The following CREB5 variants were observed in gnomAD, a reference collection of about 807,000 sequenced individuals.
CREB5 encodes cyclic AMP-responsive element-binding protein 5.
In CREB5, 19 loss-of-function variants were observed where a neutral mutation model predicts 57.1. The ratio of observed to expected loss-of-function variants is 0.33; its 90% CI spans 0.23 to 0.49. CREB5 has a LOEUF of 0.49. CREB5 is among the 20% of genes least tolerant of loss of function. The pLI, the probability that CREB5 is intolerant of heterozygous loss-of-function variation, is 0.99. For synonymous variants in CREB5, 238 were observed against 238.3 expected, an observed-to-expected ratio of 1.00 and a Z score of 0.01; for missense variants, 579 against 671.6, an observed-to-expected ratio of 0.86 and a Z score of 1.52.
intron 7 of CREB5, among the ~76,000 whole-genome samples, chr7:28,765,607 G>A (rs543784731): frequency 7.2e-4 from 110 of 152,286 alleles, no homozygotes; most frequent in African/African-American, 2.5e-3. Flanking sequence ...GAAAAAAACT[G>A]AAGGAGAGGG....
At chr7:28,324,371 T>C (rs1410653343) in intron 1 of CREB5, among the ~76,000 whole-genome samples, 1 of 152,142 alleles carries the variant, frequency 6.6e-6, no homozygotes, top group Non-Finnish European at 1.5e-5. Context: ...CCACTCCCCC[T>C]CCTGAAGCTG....
At chr7:28,752,542 G>C (rs17157127) in intron 7 of CREB5, among the ~76,000 whole-genome samples, 120 of 152,188 alleles carry the variant, frequency 7.9e-4, no homozygotes, top group African/African-American at 2.8e-3. Flanking sequence ...GAAAATCTTC[G>C]CATGGAAACC....
At chr7:28,807,841 G>C (rs753382461) in intron 8 of CREB5, among the ~76,000 whole-genome samples, 16 of 151,984 alleles carry the variant, frequency 1.1e-4, no homozygotes, top group Non-Finnish European at 2.4e-4. Context: ...GGAGTGAAGT[G>C]CATGAGGGAA....
At chr7:28,513,482 C>CTCATTGACA (rs1393768595) in intron 4 of CREB5, 1 of 151,746 alleles carries the variant, frequency 6.6e-6, no homozygotes, top group African/African-American at 2.4e-5. Context: ...AAAGGAAACA[C>CTCATTGACA]TCATTGACAG....
chr7:28,675,624 C>A (rs984773510), intron 5 of CREB5, among the ~76,000 whole-genome samples: 1 of 152,118 alleles, frequency 6.6e-6, no homozygotes, highest in Non-Finnish European at 1.5e-5. Context: ...CAAGTAACAC[C>A]AAATAGCCTT....
intron 5 of CREB5, among the ~76,000 whole-genome samples, chr7:28,620,479 T>G (rs1040645012): frequency 1.3e-5 from 2 of 152,222 alleles, no homozygotes; most frequent in African/African-American, 2.4e-5. Flanking sequence ...TCTCCAGATC[T>G]TCACGCTCTG....
intron 7 of CREB5, among the ~76,000 whole-genome samples, chr7:28,791,280 A>G (rs1463066838): frequency 6.6e-6 from 1 of 152,204 alleles, no homozygotes; most frequent in African/African-American, 2.4e-5. Flanking sequence ...GTGCCCTTGG[A>G]TCATGTACGT....
intron 5 of CREB5, among the ~76,000 whole-genome samples, chr7:28,607,370 C>T (rs1021729535): frequency 2.6e-5 from 4 of 152,014 alleles, no homozygotes; most frequent in South Asian, 2.1e-4. Context: ...CTTGAGTGGG[C>T]GTGAATGAGT....
chr7:28,336,840 G>T (rs755779048), intron 1 of CREB5, among the ~76,000 whole-genome samples: 1 of 151,570 alleles, frequency 6.6e-6, no homozygotes, highest in African/African-American at 2.4e-5. Context: ...CAGCTATAAA[G>T]TTCCCTCTTA....
Position 28,608,107 on chromosome 7 carries a change from TCTCTCTCACACACACTCA to T in CREB5, c.464+37572_464+37589del, listed in dbSNP as rs1255735469. ...GCCTCTCTCTCTGTCTCTCTCTCTC[TCTCTCTCACACACACTCA>T]CACACACACACACACACACACACAC... On this transcript the variant is annotated intron_variant, in intron 5 of 10. Coordinates refer to ENST00000357727, the MANE Select transcript of CREB5 (RefSeq NM_182898.4). 1.5e-4 allele frequency among the ~76,000 whole-genome samples: 5 copies of T among 34,348 alleles called. No individual in the cohort carries two copies. In the Admixed American group the frequency reaches 2.5e-3, roughly 17 times the overall value. The allele number at this position is 34,348 out of a possible 152,430, so 22.5% of individuals were successfully genotyped here. A position where few individuals can be genotyped will look rare whatever the true frequency, so the allele number is the denominator to read the frequency against.
intron 7 of CREB5, among the ~76,000 whole-genome samples, chr7:28,759,550 G>A (rs1315719390): frequency 1.3e-5 from 2 of 152,224 alleles, no homozygotes; most frequent in African/African-American, 4.8e-5. Context: ...ACACATTCAT[G>A]CAGATCAAAC....
intron 1 of CREB5, among the ~76,000 whole-genome samples, chr7:28,421,926 ATGTG>A (rs67101965): frequency 0.53 from 76,618 of 144,542 alleles, 21,728 homozygotes; most frequent in East Asian, 0.71. Context: ...ATGTGTGTGT[ATGTG>A]TATATATATA....
chr7:28,741,429 C>G (rs925889030), intron 7 of CREB5, among the ~76,000 whole-genome samples: 1 of 151,752 alleles, frequency 6.6e-6, no homozygotes, highest in Non-Finnish European at 1.5e-5. Flanking sequence ...GCTGAGGCAG[C>G]CACCTGGACT....
chr7:28,667,539 T>C (rs1169609402), intron 5 of CREB5, among the ~76,000 whole-genome samples: 2 of 152,052 alleles, frequency 1.3e-5, no homozygotes, highest in African/African-American at 4.8e-5. Context: ...TGCCCAAATA[T>C]TTTCTTTGGG....
At chr7:28,801,078 C>A (rs1583776703) in intron 7 of CREB5, among the ~76,000 whole-genome samples, 1 of 152,252 alleles carries the variant, frequency 6.6e-6, no homozygotes, top group South Asian at 2.1e-4. Flanking sequence ...ATTATTATTA[C>A]CTATTTTTGC....
At chr7:28,306,555 G>GTTTTTTTTTTT (rs869277871) in intron 1 of CREB5, among the ~76,000 whole-genome samples, 109 of 58,062 alleles carry the variant, frequency 1.9e-3, no homozygotes, top group Admixed American at 3.0e-3. Context: ...TGTTTTTTTT[G>GTTTTTTTTTTT]TTTTTTTTTT....
intron 4 of CREB5, among the ~76,000 whole-genome samples, chr7:28,528,950 G>A (rs1448901107): frequency 6.6e-6 from 1 of 152,128 alleles, no homozygotes; most frequent in Admixed American, 6.5e-5. Flanking sequence ...CCTTGGAGAG[G>A]TCATGAGAGG....
chr7:28,475,269 T>C (rs1791020424), intron 1 of CREB5, among the ~76,000 whole-genome samples: 3 of 136,858 alleles, frequency 2.2e-5, no homozygotes, highest in East Asian at 2.1e-4. Flanking sequence ...TTTTTTTTTT[T>C]TTTTTTTTTT....
Position 28,774,389 on chromosome 7 carries a change from G to A in CREB5, c.703-29810G>A, listed in dbSNP as rs146403295. ...GGGCTAATAAACAGTACTATCAAAG[G>A]CCAAATACCATTCACAAAGTTGTCT... is the stretch of plus-strand genomic sequence containing the variant. On this transcript the variant is annotated intron_variant, in intron 7 of 10. Transcript: ENST00000357727. Among the ~76,000 whole-genome samples, 287 of 152,228 alleles carry A rather than the reference G, an allele frequency of 1.9e-3. 1 individual carries two copies. Among genetic ancestry groups the A allele is most frequent in the African/African-American group, 5.7e-3 (238 of 41,534 alleles).
Sources: gnomAD v4.1 joint callset for allele counts (sites outside exome capture counted in the v4.1 genomes callset) on GRCh38, gnomAD v4.1.1 for gene constraint, MANE v1.5 for transcripts, NCBI Gene and HGNC (gene_info 2026-07-23, HGNC 2026-07-21) for gene names.